Variants in NOBOX observed in about 807,000 individuals in gnomAD.
The protein encoded by NOBOX is NOBOX oogenesis homeobox, also known as homeobox protein NOBOX.
In NOBOX, 46 loss-of-function variants were observed where a neutral mutation model predicts 60.2. The observed-to-expected ratio is 0.76, with a 90% CI of 0.60 to 0.98. The LOEUF (loss-of-function observed/expected upper bound fraction) is 0.98, where lower values mean the gene tolerates loss of function less well. Among genes scored for constraint, NOBOX ranks in the 50% least tolerant of loss-of-function variants. The pLI, the probability that NOBOX is intolerant of heterozygous loss-of-function variation, is 0.00. For synonymous variants in NOBOX, 360 were observed against 346.3 expected (o/e 1.04, Z -0.44); for missense variants, 880 against 865.5 (o/e 1.02, Z -0.21).
intron 2 of NOBOX, chr7:144,402,066 A>G: frequency 1.3e-6 from 1 of 747,988 alleles, no homozygotes; most frequent in Non-Finnish European, 2.3e-6. Context: ...AGGGACAAGA[A>G]AGGATTCGAT....
rs1450623396 is a variant in NOBOX at position 144,401,684 on chromosome 7, C to T, written c.293-87G>A. 1.3e-5 allele frequency: 18 copies of T among 1,347,328 alleles called. No individual in the cohort carries two copies. Among genetic ancestry groups the T allele is most frequent in the Middle Eastern group, 2.2e-4 (1 of 4,608 alleles). 83.5% of individuals were successfully genotyped at this position (1,347,328 alleles called of 1,614,324 possible). A position where few individuals can be genotyped will look rare whatever the true frequency, so the allele number is the denominator to read the frequency against. On this transcript the variant is annotated intron_variant, in intron 3 of 9. Transcript: ENST00000467773. This position sits in a 1 kb window ranked among gnomAD's most constrained non-coding sequence, Gnocchi z 4.2. The stretch of plus-strand genomic sequence containing the variant: ...GAAGTGCTGCTTCCTGCTTTGCAAA[C>T]GGTTTGATCTTAAGCTTTAATTTGT...
intron 2 of NOBOX, among the ~76,000 whole-genome samples, chr7:144,402,507 C>T (rs544525378): frequency 6.6e-6 from 1 of 152,266 alleles, no homozygotes; most frequent in East Asian, 1.9e-4. Context: ...TGTCCAAGAT[C>T]ACACAGCACC....
intron 1 of NOBOX, among the ~76,000 whole-genome samples, chr7:144,409,248 G>T (rs2054006164): frequency 6.6e-6 from 1 of 152,154 alleles, no homozygotes; most frequent in African/African-American, 2.4e-5. Flanking sequence ...TTTAACAGGG[G>T]TGTGGGTGAG....
At chr7:144,400,992 C>T (rs575107653) in intron 4 of NOBOX, 54 bp downstream of exon 2, 2 of 1,415,070 alleles carry the variant, frequency 1.4e-6, no homozygotes, top group East Asian at 2.4e-5. Context: ...CACAGCCCCA[C>T]CTTTCCCCAG....
chr7:144,404,251 GTTTGTT>G (rs2053967816), intron 2 of NOBOX, among the ~76,000 whole-genome samples: 1 of 152,152 alleles, frequency 6.6e-6, no homozygotes, highest in South Asian at 2.1e-4. Flanking sequence ...TCCTGATTTT[GTTTGTT>G]TTTGTTTTTG....
Position 144,397,482 on chromosome 7 carries a change from G to A in NOBOX, c.1834C>T (p.Pro612Ser). Residue 612 changes from proline (P) to serine (S), a missense_variant, in exon 10 of 10, where the codon CCA (proline) becomes TCA (serine). Physicochemically the swap from Pro to Ser is moderately conservative, Grantham distance 74 (BLOSUM62 -1). Transcript: ENST00000467773. ...CCTGGGGGATGCCCCAGAGCTTGTG[G>A]GCAGAACGGACCAGGGAAGGGCAGC... 1 of 1,537,160 alleles carries A rather than the reference G, an allele frequency of 6.5e-7. No homozygotes were observed. Among genetic ancestry groups the A allele is most frequent in the Non-Finnish European group, 8.7e-7 (1 of 1,146,850 alleles).
At chr7:144,402,714 T>G (rs1252669708) in intron 2 of NOBOX, among the ~76,000 whole-genome samples, 1 of 151,644 alleles carries the variant, frequency 6.6e-6, no homozygotes, top group East Asian at 1.9e-4. Context: ...GTTACTTTAA[T>G]GAAAATTGCA....
Position 144,397,383 on chromosome 7 carries a change from G to T in NOBOX, c.1933C>A (p.Leu645Ile). Reference sequence around the variant, plus strand: ...CTGGCCCCTTCAGGCATCCATGAGAGAGCTGACGAAGGCTGCCTGCCCAGA... The same window carrying T: ...CTGGCCCCTTCAGGCATCCATGAGATAGCTGACGAAGGCTGCCTGCCCAGA... Residue 645 changes from leucine (L) to isoleucine (I), a missense_variant, in exon 10 of 10, where the codon CTC becomes ATC. Coordinates refer to ENST00000467773, the MANE Select transcript of NOBOX (RefSeq NM_001080413.3). 6.5e-7 allele frequency: 1 copy of T among 1,537,266 alleles called. No individual in the cohort carries two copies. The highest frequency in any genetic ancestry group is 1.2e-5 in the South Asian group (1 of 84,056).
At chr7:144,409,994 T>G in intron 1 of NOBOX, 1 of 543,390 alleles carries the variant, frequency 1.8e-6, no homozygotes, top group Admixed American at 3.3e-5. Context: ...GGTGGCTTGA[T>G]AGATTTTTCC....
chr7:144,404,794 T>G, intron 1 of NOBOX: 1 of 1,202,456 alleles, frequency 8.3e-7, no homozygotes, highest in Non-Finnish European at 1.2e-6. Context: ...AGCCTTATGA[T>G]TCCTGGTTCA....
rs112315971 is a variant in NOBOX, at chr7:144,405,307, C to T, written c.86-627G>A. 3.6e-3 allele frequency among the ~76,000 whole-genome samples: 544 copies of T among 152,182 alleles called. 5 individuals carry two copies. The highest frequency in any genetic ancestry group is 0.012 in the African/African-American group (512 of 41,504). ...AGTTGTGGGGCACTGACATTGCTTC[C>T]AGGATCATTTGATGGTGAAAAATCA... On this transcript the variant is annotated intron_variant, in intron 1 of 9. Transcript: ENST00000467773.
chr7:144,401,672 C>A lies in NOBOX; in HGVS notation c.293-75G>T. On this transcript the variant is annotated intron_variant, in intron 3 of 9. Transcript: ENST00000467773. The surrounding 1 kb of genome is among the most constrained non-coding windows in gnomAD (Gnocchi z 4.2). ...CTGGACCAAGAGGAAGTGCTGCTTC[C>A]TGCTTTGCAAACGGTTTGATCTTAA... The A allele has an allele frequency of 7.0e-7, 1 of 1,419,226 alleles. No homozygotes were observed. The highest frequency in any genetic ancestry group is 2.3e-5 in the East Asian group (1 of 43,396). The allele number at this position is 1,419,226 out of a possible 1,614,324, so 87.9% of individuals were successfully genotyped here.
intron 1 of NOBOX, among the ~76,000 whole-genome samples, chr7:144,409,657 A>T (rs1285877758): frequency 6.6e-6 from 1 of 152,254 alleles, no homozygotes; most frequent in Non-Finnish European, 1.5e-5. Context: ...TTAAAAAATT[A>T]AAAAGGCAAA....
intron 4 of NOBOX, 79 bp from the exon 3 acceptor site, chr7:144,400,391 G>A (rs1014040751): frequency 1.1e-5 from 14 of 1,310,450 alleles, no homozygotes; most frequent in Non-Finnish European, 9.8e-6. Flanking sequence ...TGCTCACCAA[G>A]TATCTCCAAC....
rs188779367 is a variant in NOBOX, at chr7:144,400,194, G to A, written c.963C>T (p.Ala321=). 321 of 1,614,010 alleles carry A rather than the reference G, an allele frequency of 2.0e-4. 1 individual carries two copies. In the African/African-American group the frequency reaches 3.4e-3, roughly 17 times the overall value. ...CACTCCACCCTGCCACCAGTGAGCC[G>A]GCCCCCTTTACCATGATGCGCTGGG... Residue 321 remains alanine (A), a synonymous_variant, in exon 5 of 10, where the codon GCC becomes GCT. Coordinates refer to ENST00000467773, the MANE Select transcript of NOBOX (RefSeq NM_001080413.3).
chr7:144,398,809 T>C (rs2053913932), intron 8 of NOBOX, 141 bp downstream of exon 6: 1 of 645,128 alleles, frequency 1.6e-6, no homozygotes, highest in Admixed American at 2.6e-5. Flanking sequence ...CAGATCCCCT[T>C]ATCCCTTTCA....
chr7:144,397,102 G>A, downstream of NOBOX: 1 of 696,362 alleles, frequency 1.4e-6, no homozygotes, highest in Non-Finnish European at 2.3e-6. Context: ...AACAAGACGA[G>A]CCTACACAGG....
At chr7:144,408,760 A>T (rs540900505) in intron 1 of NOBOX, among the ~76,000 whole-genome samples, 1 of 152,314 alleles carries the variant, frequency 6.6e-6, no homozygotes, top group East Asian at 1.9e-4. Flanking sequence ...AGTGACAAAA[A>T]GTTGACCATT....
rs1428527065 is a variant in NOBOX, at chr7:144,403,724, G to T, written c.210+832C>A. ...GGACTCCCGCCGCCGCGGCCGGCCC[G>T]TGATGCACAGGCGCGGCCTAATGAA... On this transcript the variant is annotated intron_variant, in intron 2 of 9. Transcript: ENST00000467773. 7.2e-6 allele frequency: 5 copies of T among 697,870 alleles called. No individual in the cohort carries two copies. In the Admixed American group the frequency reaches 8.0e-5, roughly 11 times the overall value. The allele number at this position is 697,870 out of a possible 1,614,324, so 43.2% of individuals were successfully genotyped here.
Sources: allele counts gnomAD v4.1 joint callset (sites outside exome capture counted in the v4.1 genomes callset), GRCh38; gene constraint gnomAD v4.1.1; non-coding constraint Gnocchi (gnomAD v3.1); transcripts MANE v1.5; gene names NCBI Gene and HGNC (gene_info 2026-07-23, HGNC 2026-07-21).